Variants in MYRIP observed in about 807,000 individuals in gnomAD.
The protein encoded by MYRIP is rab effector MyRIP.
A neutral mutation model predicts 98.0 loss-of-function variants in MYRIP; 49 were observed. The observed-to-expected ratio is 0.50, with a 90% confidence interval of 0.40 to 0.63. The LOEUF (loss-of-function observed/expected upper bound fraction) is 0.63. MYRIP is among the 30% of genes least tolerant of loss of function. The pLI, the probability that MYRIP is intolerant of heterozygous loss-of-function variation, is 0.00. For missense variants in MYRIP, 1,004 were observed against 1,058.2 expected (o/e 0.95, Z 0.71); for synonymous variants, 404 against 409.5 (o/e 0.99, Z 0.16).
At chr3:40,083,499 G>T (rs964590848) in intron 3 of MYRIP, among the ~76,000 whole-genome samples, 2 of 152,136 alleles carry the variant, frequency 1.3e-5, no homozygotes, top group African/African-American at 4.8e-5. Flanking sequence ...TAGGTGGTAA[G>T]GGGCAAAGGG....
intron 1 of MYRIP, among the ~76,000 whole-genome samples, chr3:39,883,144 G>A (rs1349383293): frequency 3.3e-5 from 5 of 152,158 alleles, no homozygotes; most frequent in Non-Finnish European, 7.4e-5. Flanking sequence ...GTTCCTTGGA[G>A]ATAGGGAGAT....
intron 2 of MYRIP, among the ~76,000 whole-genome samples, chr3:40,030,774 C>A (rs2125817843): frequency 6.6e-6 from 1 of 152,140 alleles, no homozygotes; most frequent in South Asian, 2.1e-4. Flanking sequence ...TCAGAATAGG[C>A]AAACTCATAG....
chr3:40,100,481 C>T (rs1199527236), intron 3 of MYRIP, among the ~76,000 whole-genome samples: 2 of 152,178 alleles, frequency 1.3e-5, no homozygotes, highest in East Asian at 3.8e-4. Context: ...AAACCATTGG[C>T]TCTATTTCAA....
chr3:39,996,266 G>C (rs1030407484), intron 2 of MYRIP, among the ~76,000 whole-genome samples: 5 of 152,292 alleles, frequency 3.3e-5, no homozygotes, highest in African/African-American at 1.2e-4. Context: ...AGACCCATCT[G>C]TGTGCTGTAT....
chr3:40,097,956 C>T (rs1948863608), intron 3 of MYRIP, among the ~76,000 whole-genome samples: 2 of 152,166 alleles, frequency 1.3e-5, no homozygotes, highest in South Asian at 4.1e-4. Context: ...AGCTGGTGTT[C>T]CTCATCTGCT....
rs753532246 is a variant in MYRIP, at chr3:40,044,100, C to G, written c.161C>G (p.Ser54Trp). The G allele has an allele frequency of 4.3e-6, 7 of 1,614,002 alleles. No individual in the cohort carries two copies. The highest frequency in any genetic ancestry group is 1.7e-5 in the Admixed American group (1 of 60,004). The change falls in exon 3 of 17, where the codon TCG becomes TGG. Residue 54 changes from serine (S) to tryptophan (W), a missense_variant. By Grantham distance (177) the Ser-to-Trp change is radical. This residue lies in a region of MYRIP where 880 missense variants were observed against 907.7 expected (regional missense o/e 0.97). Coordinates refer to ENST00000302541, the MANE Select transcript of MYRIP (RefSeq NM_015460.4). ...DEEGSKCSILSKHQQFVEHCC... is the reference protein window; with the variant it reads ...DEEGSKCSILWKHQQFVEHCC... The stretch of plus-strand genomic sequence containing the variant: ...GAAGGCAGCAAGTGCAGCATCCTCT[C>G]GAAGCACCAGCAGTTTGTGGAGCAC...
intron 1 of MYRIP, among the ~76,000 whole-genome samples, chr3:39,883,838 A>G (rs1385986111): frequency 6.6e-6 from 1 of 152,096 alleles, no homozygotes; most frequent in African/African-American, 2.4e-5. Context: ...GACCTGAACA[A>G]TACAGTAAGA....
At chr3:40,044,369 T>C in intron 3 of MYRIP, 98 bp downstream of exon 3, 1 of 1,209,384 alleles carries the variant, frequency 8.3e-7, no homozygotes, top group Non-Finnish European at 1.2e-6. Flanking sequence ...GATTGGTAGA[T>C]CAACACAGAG....
chr3:39,994,611 G>A (rs1296459144), intron 2 of MYRIP, among the ~76,000 whole-genome samples: 1 of 152,216 alleles, frequency 6.6e-6, no homozygotes, highest in East Asian at 1.9e-4. Flanking sequence ...CACCTCTGGG[G>A]GCAGGGCATA....
intron 1 of MYRIP, among the ~76,000 whole-genome samples, chr3:39,894,241 A>G (rs554737597): frequency 1.3e-5 from 2 of 152,368 alleles, no homozygotes; most frequent in African/African-American, 4.8e-5. Flanking sequence ...TGAACACATC[A>G]ATGTAACCAG....
At chr3:40,027,527 G>A (rs933087110) in intron 2 of MYRIP, among the ~76,000 whole-genome samples, 5 of 152,058 alleles carry the variant, frequency 3.3e-5, no homozygotes, top group Admixed American at 2.0e-4. Context: ...TGTTTTAACT[G>A]AAATGCCACT....
intron 2 of MYRIP, among the ~76,000 whole-genome samples, chr3:39,909,354 T>C (rs968389569): frequency 6.6e-6 from 1 of 152,224 alleles, no homozygotes; most frequent in East Asian, 1.9e-4. Context: ...TGGGTATTTA[T>C]TAATTTGCTT....
intron 10 of MYRIP, among the ~76,000 whole-genome samples, chr3:40,207,519 C>T (rs1951818189): frequency 6.6e-6 from 1 of 152,134 alleles, no homozygotes; most frequent in African/African-American, 2.4e-5. Context: ...TTTTTCATTT[C>T]TATGTCATCT....
intron 2 of MYRIP, among the ~76,000 whole-genome samples, chr3:39,973,161 C>A (rs1446226505): frequency 6.6e-6 from 1 of 152,000 alleles, no homozygotes; most frequent in African/African-American, 2.4e-5. Flanking sequence ...AAACCTATCT[C>A]ATGTGCAGAG....
At chr3:39,911,096 T>G (rs987676821) in intron 2 of MYRIP, among the ~76,000 whole-genome samples, 1 of 152,232 alleles carries the variant, frequency 6.6e-6, no homozygotes, top group Non-Finnish European at 1.5e-5. Context: ...GAATGAACCC[T>G]TTCATGTTTC....
rs191932234 is a variant in MYRIP, at chr3:39,929,570, G to A, written c.110+28644G>A. ...CATAATAGAATGCAGAAATAGGCCC[G>A]TACAAATATTCCAAAATATATTTTT... On this transcript the variant is annotated intron_variant, in intron 2 of 16. Transcript: ENST00000302541. Among the ~76,000 whole-genome samples the A allele has an allele frequency of 5.3e-5, 8 of 152,092 alleles. No homozygotes were observed. In the East Asian group the frequency reaches 5.8e-4, roughly 11 times the overall value.
chr3:39,926,106 A>G (rs548387536), intron 2 of MYRIP, among the ~76,000 whole-genome samples: 1 of 152,042 alleles, frequency 6.6e-6, no homozygotes, highest in South Asian at 2.1e-4. Flanking sequence ...ATTTTTTTAT[A>G]TGCTTGTTGG....
At chr3:39,974,932 A>C (rs1184115829) in intron 2 of MYRIP, among the ~76,000 whole-genome samples, 1 of 152,232 alleles carries the variant, frequency 6.6e-6, no homozygotes, top group Non-Finnish European at 1.5e-5. Flanking sequence ...ACCCACAGTC[A>C]ATATCATACT....
At chr3:39,816,078 C>CTTTTTTTTT (rs11382431) in intron 1 of MYRIP, among the ~76,000 whole-genome samples, 2 of 143,280 alleles carry the variant, frequency 1.4e-5, no homozygotes, top group East Asian at 2.0e-4. Flanking sequence ...TTCTTTTTTT[C>CTTTTTTTTT]TTTTTTTTTT....
Sources: allele counts gnomAD v4.1 joint callset (sites outside exome capture counted in the v4.1 genomes callset), GRCh38; gene constraint gnomAD v4.1.1; regional missense constraint gnomAD v4.1.1; transcripts MANE v1.5; gene names NCBI Gene and HGNC (gene_info 2026-07-23, HGNC 2026-07-21).